ZNF331: variants seen among roughly 807,000 people sequenced by gnomAD.
ZNF331 encodes the protein C2H2-like zinc finger protein rearranged in thyroid adenomas.
In ZNF331, 2 loss-of-function variants were observed where a neutral mutation model predicts 7.0. That is an observed-to-expected ratio of 0.29 (90% CI 0.12 to 0.90). ZNF331 has a LOEUF of 0.90. Among genes scored for constraint, ZNF331 ranks in the 40% least tolerant of loss-of-function variants. The probability of loss-of-function intolerance (pLI) is 0.58; values close to 1 mark genes in which losing one functional copy is unlikely to be tolerated. For synonymous variants in ZNF331, 196 were observed against 205.4 expected, an observed-to-expected ratio of 0.95 and a Z score of 0.39; for missense variants, 432 against 587.7, an observed-to-expected ratio of 0.74 and a Z score of 2.74.
Position 53,577,683 on chromosome 19 carries a change from A to G in ZNF331, c.1123A>G (p.Arg375Gly). ...NCGYHLTQHE[R>G]IHTGETPYKC... ...TGGCTATCACCTCACTCAGCACGAGAGAATCCACACAGGCGAAACCCCGTA... is the reference window on the plus strand; with the variant it reads ...TGGCTATCACCTCACTCAGCACGAGGGAATCCACACAGGCGAAACCCCGTA... Residue 375 changes from arginine (R) to glycine (G), a missense_variant, in exon 6 of 6, where the codon AGA becomes GGA. Physicochemically the swap from Arg to Gly is moderately radical, Grantham distance 125. Around this residue, in one of 3 missense-constraint regions of ZNF331, gnomAD observed 312 missense variants for 448.6 expected, o/e 0.70. Coordinates refer to ENST00000449416, the MANE Select transcript of ZNF331 (RefSeq NM_001079906.2). The G allele has an allele frequency of 2.5e-6, 4 of 1,614,168 alleles. No individual in the cohort carries two copies. The highest frequency in any genetic ancestry group is 3.4e-6 in the Non-Finnish European group (4 of 1,180,042).
upstream of ZNF331, among the ~76,000 whole-genome samples, chr19:53,537,087 T>C (rs2087786036): frequency 6.6e-6 from 1 of 152,144 alleles, no homozygotes; most frequent in Admixed American, 6.5e-5. Flanking sequence ...GAATCTAAAG[T>C]CTATCTAATT....
rs2090546048 is a variant in ZNF331, at chr19:53,573,152, G to A, written c.136+1422G>A. Among the ~76,000 whole-genome samples, 1 of 152,174 alleles carries A rather than the reference G, an allele frequency of 6.6e-6. No homozygotes were observed. The highest frequency in any genetic ancestry group is 1.5e-5 in the Non-Finnish European group (1 of 68,036). Reference sequence around the variant, plus strand: ...GAGAATCATTTGAACCTGGGAAGCAGAGGTTGCAGTGAGCCAAGATCACGC... The same window carrying A: ...GAGAATCATTTGAACCTGGGAAGCAAAGGTTGCAGTGAGCCAAGATCACGC... On this transcript the variant is annotated intron_variant, in intron 5 of 5. Transcript: ENST00000449416. This position sits in a 1 kb window ranked among gnomAD's most constrained non-coding sequence, Gnocchi z 4.2.
At chr19:53,533,680 C>T (rs369614368), upstream of ZNF331, among the ~76,000 whole-genome samples, 14 of 152,296 alleles carry the variant, frequency 9.2e-5, no homozygotes, top group South Asian at 2.7e-3. Context: ...ATGTTGGGTA[C>T]ATACATATGT....
intron 2 of ZNF331, among the ~76,000 whole-genome samples, chr19:53,548,161 T>G (rs1422809908): frequency 3.9e-5 from 6 of 151,980 alleles, no homozygotes; most frequent in Non-Finnish European, 7.4e-5. Flanking sequence ...CAGGCTGGAG[T>G]GCAGTGGCGT....
chr19:53,528,951 A>T lies in ZNF331; in HGVS notation c.-205+6267A>T, dbSNP rs541680059. ...AGCTGCCTGTCCCCACGCCTGGATG[A>T]TTTTTTTGTATTTTTAGTAGAGACG... On this transcript the variant is annotated intron_variant, in intron 2 of 6. Transcript: ENST00000253144. Among the ~76,000 whole-genome samples, 144 of 151,632 alleles carry T rather than the reference A, an allele frequency of 9.5e-4. 2 individuals carry two copies. The East Asian group carries it at 0.026, about 28-fold the overall frequency.
chr19:53,578,119 C>A lies in ZNF331; in HGVS notation c.*167C>A. 1.1e-6 allele frequency: 1 copy of A among 941,302 alleles called. No homozygotes were observed. Among genetic ancestry groups the A allele is most frequent in the Non-Finnish European group, 1.5e-6 (1 of 654,958 alleles). 58.3% of individuals were successfully genotyped at this position (941,302 alleles called of 1,614,324 possible). ...CTGAGTAGCGTGATGAAATCTCTCG[C>A]TGTCCGGCTCCAGCCGGCCGGGGAT... On this transcript the variant is annotated 3_prime_UTR_variant, in exon 6 of 6. Transcript: ENST00000449416.
chr19:53,546,244 A>G (rs2088608131), intron 2 of ZNF331, among the ~76,000 whole-genome samples: 1 of 151,508 alleles, frequency 6.6e-6, no homozygotes, highest in African/African-American at 2.4e-5. Context: ...ACCTAATATT[A>G]TATATCTGAA....
intron 2 of ZNF331, among the ~76,000 whole-genome samples, chr19:53,549,483 T>G (rs1447471514): frequency 6.6e-6 from 1 of 152,130 alleles, no homozygotes; most frequent in Admixed American, 6.6e-5. Flanking sequence ...TGGAAATCAC[T>G]GCTTAAAGAG....
the ZNF331 span, among the ~76,000 whole-genome samples, chr19:53,505,397 C>T: frequency 6.6e-6 from 1 of 152,158 alleles, no homozygotes; most frequent in East Asian, 1.9e-4. Flanking sequence ...CAGCCTCGTG[C>T]CATGTTTCCC....
chr19:53,559,307 A>G (rs777267307), intron 3 of ZNF331, among the ~76,000 whole-genome samples: 22 of 149,424 alleles, frequency 1.5e-4, no homozygotes, highest in Non-Finnish European at 2.8e-4. Flanking sequence ...ATACAAACAC[A>G]CCCCATGTAC....
intron 2 of ZNF331, among the ~76,000 whole-genome samples, chr19:53,541,812 G>T (rs567236244): frequency 6.6e-6 from 1 of 152,160 alleles, no homozygotes; most frequent in Non-Finnish European, 1.5e-5. Flanking sequence ...TCTGAGACCA[G>T]CCTGGGCAAC....
At chr19:53,569,673 G>A (rs968216746) in intron 4 of ZNF331, among the ~76,000 whole-genome samples, 5 of 152,092 alleles carry the variant, frequency 3.3e-5, no homozygotes, top group African/African-American at 1.2e-4. Flanking sequence ...TCAAGTCTGT[G>A]GTTTGATGAG....
intron 3 of ZNF331, among the ~76,000 whole-genome samples, chr19:53,561,426 C>T (rs2089881339): frequency 6.6e-6 from 1 of 150,788 alleles, no homozygotes; most frequent in African/African-American, 2.4e-5. Flanking sequence ...CAGGTCATTA[C>T]TGTTTCTGGT....
intron 3 of ZNF331, among the ~76,000 whole-genome samples, chr19:53,556,459 C>T (rs2089435710): frequency 6.6e-6 from 1 of 151,286 alleles, no homozygotes; most frequent in African/African-American, 2.4e-5. Context: ...GTACCATAGA[C>T]TGTGTGACTA....
At chr19:53,517,646 G>A (rs2086934406), upstream of ZNF331, among the ~76,000 whole-genome samples, 2 of 151,864 alleles carry the variant, frequency 1.3e-5, no homozygotes, top group South Asian at 2.1e-4. Context: ...GTTTATCTCT[G>A]ATTTATTAGG....
At chr19:53,504,036 T>C in the ZNF331 span, 1 of 466,204 alleles carries the variant, frequency 2.1e-6, no homozygotes. Flanking sequence ...AGCACATTCA[T>C]AGGACCAGCG....
chr19:53,532,927 A>T (rs549520937), intron 2 of ZNF331, among the ~76,000 whole-genome samples: 1 of 151,914 alleles, frequency 6.6e-6, no homozygotes, highest in East Asian at 1.9e-4. Flanking sequence ...TGAAAGTCTC[A>T]TGGTTTTTCA....
At chr19:53,549,407 T>G (rs1462733662) in intron 2 of ZNF331, among the ~76,000 whole-genome samples, 6 of 151,930 alleles carry the variant, frequency 3.9e-5, no homozygotes, top group Non-Finnish European at 8.8e-5. Flanking sequence ...AACAAGGAGG[T>G]AGGATGAAAA....
the ZNF331 span, among the ~76,000 whole-genome samples, chr19:53,505,479 G>A: frequency 3.3e-5 from 5 of 152,104 alleles, no homozygotes; most frequent in Admixed American, 6.5e-5. Flanking sequence ...GATTACAGAC[G>A]TGAGCCACCA....
Sources: allele counts gnomAD v4.1 joint callset (sites outside exome capture counted in the v4.1 genomes callset), GRCh38; gene constraint gnomAD v4.1.1; regional missense constraint gnomAD v4.1.1; non-coding constraint Gnocchi (gnomAD v3.1); transcripts MANE v1.5; gene names NCBI Gene and HGNC (gene_info 2026-07-23, HGNC 2026-07-21).